The following EPYC variants were observed in gnomAD, a reference collection of about 807,000 sequenced individuals.
EPYC encodes dermatan sulfate proteoglycan 3.
EPYC carries 28 observed loss-of-function variants against 30.1 expected under a neutral mutation model. That is an observed-to-expected ratio of 0.93 (90% CI 0.69 to 1.28). EPYC has a LOEUF of 1.28. Among genes scored for constraint, EPYC ranks in the 50% most tolerant of loss-of-function variants. The pLI is 0.00. For missense variants in EPYC, 382 were observed against 383.5 expected (o/e 1.00, Z 0.03); for synonymous variants, 144 against 141.4 (o/e 1.02, Z -0.13).
chr12:90,994,259 T>C (rs1473326537), intron 2 of EPYC, among the ~76,000 whole-genome samples: 1 of 152,184 alleles, frequency 6.6e-6, no homozygotes, highest in Non-Finnish European at 1.5e-5. Flanking sequence ...GCATCTGTGA[T>C]CATCAGCACA....
chr12:90,982,534 A>T (rs1163008858), intron 2 of EPYC, among the ~76,000 whole-genome samples: 1 of 151,944 alleles, frequency 6.6e-6, no homozygotes, highest in Non-Finnish European at 1.5e-5. Context: ...CTTTTGCCTA[A>T]TATTTGTATT....
chr12:90,969,191 C>G (rs942330474), intron 6 of EPYC, among the ~76,000 whole-genome samples: 2 of 151,802 alleles, frequency 1.3e-5, no homozygotes, highest in African/African-American at 2.4e-5. Context: ...AGCAAAATCA[C>G]TTTTTGTACA....
intron 4 of EPYC, 127 bp downstream of exon 4, chr12:90,972,694 CA>C (rs1877081262): frequency 2.4e-6 from 2 of 849,946 alleles, no homozygotes. Context: ...TTTTAAATAA[CA>C]AAAAACTATT....
At chr12:90,983,685 C>CCAAG (rs1172701297) in intron 2 of EPYC, among the ~76,000 whole-genome samples, 1 of 152,072 alleles carries the variant, frequency 6.6e-6, no homozygotes, top group East Asian at 1.9e-4. Flanking sequence ...CTATCCTGAC[C>CCAAG]CTTGACTCCT....
chr12:91,004,263 A>G (rs913071261), intron 1 of EPYC, among the ~76,000 whole-genome samples: 7 of 152,092 alleles, frequency 4.6e-5, no homozygotes, highest in African/African-American at 1.7e-4. Context: ...ATTTGATTAC[A>G]TATAGCTACA....
At chr12:90,994,289 A>G (rs1202195908) in intron 2 of EPYC, among the ~76,000 whole-genome samples, 1 of 152,298 alleles carries the variant, frequency 6.6e-6, no homozygotes, top group East Asian at 1.9e-4. Context: ...GTGGCTTTTA[A>G]TTGAGTGAGT....
chr12:90,997,238 T>C (rs1000049067), intron 2 of EPYC, among the ~76,000 whole-genome samples: 1 of 152,054 alleles, frequency 6.6e-6, no homozygotes, highest in African/African-American at 2.4e-5. Context: ...TCTTGGTGTT[T>C]ATTGAATACA....
At chr12:90,997,820 A>G (rs948456574) in intron 2 of EPYC, among the ~76,000 whole-genome samples, 3 of 152,092 alleles carry the variant, frequency 2.0e-5, no homozygotes, top group African/African-American at 7.2e-5. Flanking sequence ...CCTCTAGTTC[A>G]CATTATCTAC....
Position 90,972,913 on chromosome 12 carries a change from A to G in EPYC, c.408T>C (p.Asp136=). Residue 136 remains aspartate (D), a synonymous_variant, in exon 4 of 7, where the codon GAT becomes GAC. Coordinates refer to ENST00000261172, the MANE Select transcript of EPYC (RefSeq NM_004950.5). ...TGTTCTTTGGCAGCGGAGGAATAGC[A>G]TCAAGTTCATGGTCATCACAGTACA... ...TTVYCDDHEL[D]AIPPLPKNTA... 6.2e-7 allele frequency: 1 copy of G among 1,612,918 alleles called. No homozygotes were observed. The highest frequency in any genetic ancestry group is 8.5e-7 in the Non-Finnish European group (1 of 1,178,914).
intron 5 of EPYC, among the ~76,000 whole-genome samples, chr12:90,970,459 G>C (rs1877012323): frequency 6.6e-6 from 1 of 152,132 alleles, no homozygotes; most frequent in African/African-American, 2.4e-5. Context: ...CCTATGAAAG[G>C]CATTCTGCAG....
chr12:90,967,830 G>A (rs540121604), intron 6 of EPYC, among the ~76,000 whole-genome samples: 2 of 152,116 alleles, frequency 1.3e-5, no homozygotes, highest in East Asian at 3.9e-4. Flanking sequence ...AAGTAGCCAG[G>A]CATGATGGTT....
chr12:90,969,537 C>A lies in EPYC; in HGVS notation c.798+507G>T, dbSNP rs1422544026. Among the ~76,000 whole-genome samples, 8 of 128,408 alleles carry A rather than the reference C, an allele frequency of 6.2e-5. No individual in the cohort carries two copies. The East Asian group carries it at 1.4e-3, about 22-fold the overall frequency. 84.2% of individuals were successfully genotyped at this position (128,408 alleles called of 152,430 possible). On this transcript the variant is annotated intron_variant, in intron 6 of 6. Coordinates refer to ENST00000261172, the MANE Select transcript of EPYC (RefSeq NM_004950.5). Reference sequence around the variant, plus strand: ...AATATGGTGTTTAAAAAAAAAAAAACCTGCACTTTGTTTATCCAGAGAGAT... The same window carrying A: ...AATATGGTGTTTAAAAAAAAAAAAAACTGCACTTTGTTTATCCAGAGAGAT...
In EPYC at chr12:90,978,253, C is replaced by T; in HGVS notation, c.175G>A (p.Ala59Thr). The stretch of plus-strand genomic sequence containing the variant: ...CTGTTCCCTGAAGGCATCACTGTGG[C>T]TATTTCAATCTGAAAAAAAAAAAAA... ...IPVDKVEIEIATVMPSGNREL... is the reference protein window; with the variant it reads ...IPVDKVEIEITTVMPSGNREL... Residue 59 changes from alanine to threonine, a missense_variant, in exon 3 of 7, where the codon GCC becomes ACC. By Grantham distance (58) the Ala-to-Thr change is moderately conservative. Coordinates refer to ENST00000261172, the MANE Select transcript of EPYC (RefSeq NM_004950.5). 1.3e-6 allele frequency: 2 copies of T among 1,521,442 alleles called. No homozygotes were observed. The highest frequency in any genetic ancestry group is 8.8e-7 in the Non-Finnish European group (1 of 1,139,372). The allele number at this position is 1,521,442 out of a possible 1,614,324, so 94.2% of individuals were successfully genotyped here.
chr12:90,991,713 C>T (rs1472500932), intron 2 of EPYC, among the ~76,000 whole-genome samples: 1 of 152,110 alleles, frequency 6.6e-6, no homozygotes, highest in Non-Finnish European at 1.5e-5. Flanking sequence ...AGCCAAACAC[C>T]AAACCTGGGT....
At chr12:90,970,724 G>A (rs1301308635) in intron 5 of EPYC, among the ~76,000 whole-genome samples, 2 of 152,208 alleles carry the variant, frequency 1.3e-5, no homozygotes, top group African/African-American at 2.4e-5. Flanking sequence ...TGGCTATAGT[G>A]AGATGCCCTA....
intron 6 of EPYC, among the ~76,000 whole-genome samples, chr12:90,969,804 C>T (rs924417215): frequency 6.6e-6 from 1 of 151,504 alleles, no homozygotes; most frequent in Admixed American, 6.6e-5. Context: ...TGCATTTTGC[C>T]TTGGAAAATA....
chr12:90,998,353 T>C (rs1257630288), intron 2 of EPYC, among the ~76,000 whole-genome samples: 2 of 152,138 alleles, frequency 1.3e-5, no homozygotes, highest in African/African-American at 4.8e-5. Flanking sequence ...GGGTAATATA[T>C]AGCACTCTGA....
At chr12:91,003,498 A>T (rs952178696) in intron 1 of EPYC, among the ~76,000 whole-genome samples, 3 of 151,988 alleles carry the variant, frequency 2.0e-5, no homozygotes, top group Non-Finnish European at 2.9e-5. Flanking sequence ...TTATAACATT[A>T]TGCTTTTTGA....
rs953990996 is a variant in EPYC, at chr12:91,002,441, T to A, written c.125A>T (p.Asn42Ile). ...AGGTATGTTTTCATAGTTGTACAAA[T>A]TATCCAGGTCTTCTAAGGTGGCATC... is the stretch of plus-strand genomic sequence containing the variant. ...TYDATLEDLDNLYNYENIPVD... is the reference protein window; with the variant it reads ...TYDATLEDLDILYNYENIPVD... The change falls in exon 2 of 7, where the codon AAT (asparagine) becomes ATT (isoleucine). Residue 42 changes from asparagine (N) to isoleucine (I), a missense_variant. Transcript: ENST00000261172. 6.2e-7 allele frequency: 1 copy of A among 1,613,104 alleles called. No individual in the cohort carries two copies. The highest frequency in any genetic ancestry group is 8.5e-7 in the Non-Finnish European group (1 of 1,179,518).
Sources: allele counts gnomAD v4.1 joint callset (sites outside exome capture counted in the v4.1 genomes callset), GRCh38; gene constraint gnomAD v4.1.1; transcripts MANE v1.5; gene names NCBI Gene and HGNC (gene_info 2026-07-23, HGNC 2026-07-21).